BRINP3: variants seen among roughly 807,000 people sequenced by gnomAD.
BRINP3 encodes the protein BMP/retinoic acid inducible neural specific 3.
In BRINP3, 19 loss-of-function variants were observed where a neutral mutation model predicts 71.0. The observed-to-expected ratio is 0.27, with a 90% CI of 0.19 to 0.39. The LOEUF is 0.39. Among genes scored for constraint, BRINP3 ranks in the 10% least tolerant of loss-of-function variants. BRINP3 has a pLI of 1.00. For synonymous variants in BRINP3, 380 were observed against 337.7 expected (o/e 1.13, Z -1.37); for missense variants, 959 against 940.8 (o/e 1.02, Z -0.25).
rs867807028 is a variant in BRINP3 at position 190,159,951 on chromosome 1, C to G, written c.1184+717G>C. ...AGTTCTCATCTTAATGATTTAAGCA[C>G]CAAGTCAAAATTCAAACATTTTATG... On this transcript the variant is annotated intron_variant, in intron 7 of 7. Coordinates refer to ENST00000367462, the MANE Select transcript of BRINP3 (RefSeq NM_199051.3). Among the ~76,000 whole-genome samples, 5 of 151,984 alleles carry G rather than the reference C, an allele frequency of 3.3e-5. No homozygotes were observed. The South Asian group carries it at 1.0e-3, about 32-fold the overall frequency.
intron 2 of BRINP3, among the ~76,000 whole-genome samples, chr1:190,438,404 T>G (rs1311116955): frequency 6.6e-6 from 1 of 151,746 alleles, no homozygotes; most frequent in Non-Finnish European, 1.5e-5. Context: ...TCTCGATATA[T>G]GTAAAACAGG....
intron 6 of BRINP3, among the ~76,000 whole-genome samples, chr1:190,193,994 CTT>C (rs1654268821): frequency 6.6e-6 from 1 of 152,090 alleles, no homozygotes; most frequent in Non-Finnish European, 1.5e-5. Flanking sequence ...GTTTAAATGA[CTT>C]GAGGTAAATC....
intron 7 of BRINP3, among the ~76,000 whole-genome samples, chr1:190,150,375 T>A (rs1656285067): frequency 6.6e-6 from 1 of 152,154 alleles, no homozygotes; most frequent in African/African-American, 2.4e-5. Flanking sequence ...TTTTGTCCTC[T>A]GCATGAGGAT....
At chr1:190,383,104 T>TC (rs1670655157) in intron 2 of BRINP3, among the ~76,000 whole-genome samples, 1 of 152,130 alleles carries the variant, frequency 6.6e-6, no homozygotes, top group African/African-American at 2.4e-5. Flanking sequence ...ATATTTTTTT[T>TC]CCTCCCTATT....
chr1:190,205,547 A>T lies in BRINP3; in HGVS notation c.961+20535T>A, dbSNP rs182064632. Among the ~76,000 whole-genome samples, 38 of 152,204 alleles carry T rather than the reference A, an allele frequency of 2.5e-4. No individual in the cohort carries two copies. In the East Asian group the frequency reaches 6.2e-3, roughly 25 times the overall value. On this transcript the variant is annotated intron_variant, in intron 6 of 7. Transcript: ENST00000367462. ...TTAATTGAGTAAATTCTGTCCATTA[A>T]GCAGGTCAGAAGCAGACTACACTCA...
At chr1:190,306,388 G>T (rs1665100517) in intron 2 of BRINP3, among the ~76,000 whole-genome samples, 1 of 151,914 alleles carries the variant, frequency 6.6e-6, no homozygotes, top group African/African-American at 2.4e-5. Context: ...CATTTTGATT[G>T]TAAGAGTAGG....
At chr1:190,212,750 C>T (rs567787193) in intron 6 of BRINP3, among the ~76,000 whole-genome samples, 13 of 152,076 alleles carry the variant, frequency 8.5e-5, no homozygotes, top group Middle Eastern at 3.2e-3. Flanking sequence ...TATCTGTATG[C>T]TTTCCCATTG....
At chr1:190,140,818 C>T (rs1655370643) in intron 7 of BRINP3, among the ~76,000 whole-genome samples, 1 of 152,120 alleles carries the variant, frequency 6.6e-6, no homozygotes, top group African/African-American at 2.4e-5. Flanking sequence ...TAGTGTAAAG[C>T]TATTCATGCC....
intron 2 of BRINP3, among the ~76,000 whole-genome samples, chr1:190,298,757 C>T (rs1288359213): frequency 1.3e-5 from 2 of 151,764 alleles, no homozygotes; most frequent in East Asian, 1.9e-4. Context: ...TCATGTGACC[C>T]GGGGGCCCTG....
intron 7 of BRINP3, among the ~76,000 whole-genome samples, chr1:190,139,303 T>C (rs1012763163): frequency 6.6e-6 from 1 of 151,100 alleles, no homozygotes; most frequent in African/African-American, 2.4e-5. Context: ...AATACAAAAA[T>C]TAGCCAGGCA....
chr1:190,099,169 A>G, intron 7 of BRINP3, 35 bp from the exon 8 acceptor site: 1 of 1,589,014 alleles, frequency 6.3e-7, no homozygotes, highest in South Asian at 1.1e-5. Flanking sequence ...CTACATAAAT[A>G]CAAAGATATT....
intron 6 of BRINP3, among the ~76,000 whole-genome samples, chr1:190,205,692 A>T (rs1289085024): frequency 1.3e-5 from 2 of 152,046 alleles, no homozygotes; most frequent in Non-Finnish European, 1.5e-5. Flanking sequence ...GTTTAGGGCC[A>T]GGCCTACACT....
chr1:190,274,351 T>C (rs1662365749), intron 3 of BRINP3, among the ~76,000 whole-genome samples: 2 of 151,318 alleles, frequency 1.3e-5, no homozygotes, highest in African/African-American at 4.9e-5. Context: ...TCCTATAATG[T>C]TTACATTCCG....
chr1:190,299,295 C>A (rs1285417929), intron 2 of BRINP3, among the ~76,000 whole-genome samples: 1 of 151,914 alleles, frequency 6.6e-6, no homozygotes, highest in Non-Finnish European at 1.5e-5. Context: ...TATACCATCT[C>A]TATTTAAAGT....
intron 3 of BRINP3, among the ~76,000 whole-genome samples, chr1:190,277,059 C>T (rs564779833): frequency 2.5e-5 from 2 of 80,766 alleles, no homozygotes; most frequent in African/African-American, 3.7e-5. Flanking sequence ...ATTATATTGT[C>T]TATTTGATCC....
intron 2 of BRINP3, among the ~76,000 whole-genome samples, chr1:190,312,036 AAT>A (rs1180367434): frequency 0.12 from 8,255 of 68,014 alleles, 278 homozygotes; most frequent in Admixed American, 0.17. Context: ...TGAAAAGTCA[AAT>A]ATATATATAT....
In BRINP3 at chr1:190,098,656, A is replaced by G. The variant is rs1053944119; in HGVS notation, c.1663T>C (p.Leu555=). The part of the protein sequence containing the change: ...SLVHMILGLS[L]QICLTKNSTL... ...CTGTTTTTAGTTAAGCAAATCTGTA[A>G]AGAGAGACCCAAAATCATATGGACC... Residue 555 remains leucine (L), a synonymous_variant, in exon 8 of 8, where the codon TTA becomes CTA. Coordinates refer to ENST00000367462, the MANE Select transcript of BRINP3 (RefSeq NM_199051.3). 1.9e-6 allele frequency: 3 copies of G among 1,614,174 alleles called. No homozygotes were observed. The highest frequency in any genetic ancestry group is 2.5e-6 in the Non-Finnish European group (3 of 1,180,036).
At chr1:190,412,589 A>G (rs2102416015) in intron 2 of BRINP3, among the ~76,000 whole-genome samples, 1 of 148,016 alleles carries the variant, frequency 6.8e-6, no homozygotes, top group Non-Finnish European at 1.5e-5. Context: ...CAGCCTCCCA[A>G]GTAGCTGGGA....
chr1:190,412,751 T>A lies in BRINP3; in HGVS notation c.236+41904A>T, dbSNP rs183446180. 1.4e-3 allele frequency among the ~76,000 whole-genome samples: 220 copies of A among 152,188 alleles called. 1 individual carries two copies. The highest frequency in any genetic ancestry group is 5.2e-3 in the African/African-American group (218 of 41,538). On this transcript the variant is annotated intron_variant, in intron 2 of 7. Coordinates refer to ENST00000367462, the MANE Select transcript of BRINP3 (RefSeq NM_199051.3). ...TGCTGGGATTACAGGCGTGAGTATG[T>A]AGTACTTTAATTACTACTAGTATGC...
Sources: gnomAD v4.1 joint callset for allele counts (sites outside exome capture counted in the v4.1 genomes callset) on GRCh38, gnomAD v4.1.1 for gene constraint, MANE v1.5 for transcripts, NCBI Gene and HGNC (gene_info 2026-07-23, HGNC 2026-07-21) for gene names.